RNF213: variants seen among roughly 807,000 people sequenced by gnomAD.
RNF213 encodes the protein E3 ubiquitin-protein ligase RNF213.
In RNF213, 341 loss-of-function variants were observed where a neutral mutation model predicts 514.4. That is an observed-to-expected ratio of 0.66 (90% CI 0.61 to 0.73). The LOEUF (loss-of-function observed/expected upper bound fraction) is 0.73, where lower values mean the gene tolerates loss of function less well. Among genes scored for constraint, RNF213 ranks in the 30% least tolerant of loss-of-function variants. The pLI is 0.00. For synonymous variants in RNF213, 2,655 were observed against 2,658.2 expected (o/e 1.00, Z 0.04); for missense variants, 5,767 against 6,615.6 (o/e 0.87, Z 4.45).
intron 7 of RNF213, among the ~76,000 whole-genome samples, chr17:80,291,241 ATTCTTTCT>A (rs778704140): frequency 2.0e-5 from 3 of 149,576 alleles, no homozygotes; most frequent in African/African-American, 4.9e-5. Flanking sequence ...TTTTAAAAGT[ATTCTTTCT>A]TTCTTTCTTA....
intron 20 of RNF213, among the ~76,000 whole-genome samples, chr17:80,330,499 C>T (rs1027849764): frequency 4.6e-5 from 7 of 152,112 alleles, no homozygotes; most frequent in African/African-American, 9.7e-5. Context: ...AGCGGGCTGG[C>T]GGGCCTTGGC....
At position 80,343,725 on chromosome 17, in the gene RNF213, G is replaced by A. The variant is rs1410520365; in HGVS notation, c.6184-132G>A. 42 of 944,600 alleles carry A rather than the reference G, an allele frequency of 4.4e-5. 1 individual carries two copies. Among genetic ancestry groups the A allele is most frequent in the Admixed American group, 1.6e-4 (9 of 57,946 alleles). The allele number at this position is 944,600 out of a possible 1,614,324, so 58.5% of individuals were successfully genotyped here. On this transcript the variant is annotated intron_variant, in intron 27 of 67. Transcript: ENST00000582970. The surrounding 1 kb of genome is among the most constrained non-coding windows in gnomAD (Gnocchi z 4.3). ...GGGGCTGCCCTTGGAGACATGGGCC[G>A]TTGTTGGCTGAAATGTTGATGTTGA...
rs372119242 is a variant in RNF213 at position 80,295,610 on chromosome 17, C to T, written c.1809C>T (p.Asp603=). The T allele has an allele frequency of 3.6e-5, 58 of 1,613,996 alleles. No individual in the cohort carries two copies. The highest frequency in any genetic ancestry group is 1.6e-4 in the Middle Eastern group (1 of 6,084). ...AAAAACACGTGGTACCATTGCCGGA[C>T]GGAAAAAGCACGGACTTTTTGCCTG... ...HLKKHVVPLP[D]GKSTDFLPVD... Residue 603 remains aspartate (D), a synonymous_variant, in exon 10 of 68, where the codon GAC becomes GAT. Transcript: ENST00000582970.
At position 80,363,153 on chromosome 17, in the gene RNF213, G is replaced by A; in HGVS notation, c.11407G>A (p.Glu3803Lys). The A allele has an allele frequency of 6.2e-7, 1 of 1,614,248 alleles. No individual in the cohort carries two copies. The highest frequency in any genetic ancestry group is 8.5e-7 in the Non-Finnish European group (1 of 1,180,040). ...CACTAGGAAACTGAAAGCGGCGTCA[G>A]AAGCGCCCGAGGAAGAGGTTTCCTT... Reference protein sequence around the residue: ...SCTRKLKAASEAPEEEVSLPW... With the variant: ...SCTRKLKAASKAPEEEVSLPW... Residue 3803 changes from glutamate (E) to lysine (K), a missense_variant, in exon 40 of 68, where the codon GAA (glutamate) becomes AAA (lysine). Around this residue, in one of 13 missense-constraint regions of RNF213, gnomAD observed 355 missense variants for 358.0 expected, o/e 0.99. Coordinates refer to ENST00000582970, the MANE Select transcript of RNF213 (RefSeq NM_001256071.3).
chr17:80,288,059 T>C lies in RNF213; in HGVS notation c.506T>C (p.Val169Ala). The C allele has an allele frequency of 6.2e-7, 1 of 1,607,490 alleles. No individual in the cohort carries two copies. The highest frequency in any genetic ancestry group is 8.5e-7 in the Non-Finnish European group (1 of 1,176,640). Reference protein sequence around the residue: ...EGDGLSAPTEVGDSPLQAQAL... With the variant: ...EGDGLSAPTEAGDSPLQAQAL... ...GACGGCCTCTCCGCGCCCACCGAGG[T>C]TGGCGACAGCCCCCTGCAGGCCCAG... Residue 169 changes from valine (V) to alanine (A), a missense_variant, in exon 4 of 68, where the codon GTT becomes GCT. Around this residue, in one of 13 missense-constraint regions of RNF213, gnomAD observed 509 missense variants for 496.7 expected, o/e 1.02. Transcript: ENST00000582970. This position sits in a 1 kb window ranked among gnomAD's most constrained non-coding sequence, Gnocchi z 4.9.
At position 80,369,826 on chromosome 17, in the gene RNF213, T is replaced by C. The variant is rs538365713; in HGVS notation, c.12384T>C (p.Pro4128=). The stretch of plus-strand genomic sequence containing the variant: ...TCAATGATGTTGTGGATAAGACTCC[T>C]GTCATCCGCTCAGTGATACTGAAAC... ...SPFNDVVDKT[P]VIRSVILKLL... Residue 4128 remains proline (P), a synonymous_variant, in exon 46 of 68, where the codon CCT becomes CCC. Coordinates refer to ENST00000582970, the MANE Select transcript of RNF213 (RefSeq NM_001256071.3). The C allele has an allele frequency of 6.2e-7, 1 of 1,613,806 alleles. No individual in the cohort carries two copies. Among genetic ancestry groups the C allele is most frequent in the Admixed American group, 1.7e-5 (1 of 60,034 alleles).
rs61747138 is a variant in RNF213 at position 80,380,956 on chromosome 17, C to T, written c.13766C>T (p.Ala4589Val). 5,653 of 1,614,180 alleles carry T rather than the reference C, an allele frequency of 3.5e-3. 183 individuals are homozygous for T. In the African/African-American group the frequency reaches 0.066, roughly 19 times the overall value. The change falls in exon 56 of 68, where the codon GCT (alanine) becomes GTT (valine). Residue 4589 changes from alanine to valine, a missense_variant. By Grantham distance (64) the Ala-to-Val change is moderately conservative. This residue lies in a region of RNF213 where 1,245 missense variants were observed against 1,339.0 expected (regional missense o/e 0.93). Coordinates refer to ENST00000582970, the MANE Select transcript of RNF213 (RefSeq NM_001256071.3). Reference protein sequence around the residue: ...FLLIRLLTHLALLLGASQSSQ... With the variant: ...FLLIRLLTHLVLLLGASQSSQ... ...CTTATCCGGCTACTCACTCACTTGGCTCTGCTTCTGGGAGCGTCCCAGAGT... is the reference window on the plus strand; with the variant it reads ...CTTATCCGGCTACTCACTCACTTGGTTCTGCTTCTGGGAGCGTCCCAGAGT...
intron 3 of RNF213, among the ~76,000 whole-genome samples, chr17:80,275,735 C>A (rs1033693198): frequency 7.2e-5 from 11 of 152,146 alleles, no homozygotes; most frequent in African/African-American, 2.7e-4. Context: ...CATCTCAGCT[C>A]AACTGCAACC....
intron 29 of RNF213, 106 bp from the exon 30 acceptor site, chr17:80,349,664 C>T: frequency 8.0e-7 from 1 of 1,245,564 alleles, no homozygotes; most frequent in South Asian, 1.2e-5. Flanking sequence ...GTGGCAACTG[C>T]ACCGCGCTGA....
chr17:80,383,043 C>T lies in RNF213; in HGVS notation c.14043C>T (p.Ile4681=). 3.1e-6 allele frequency: 5 copies of T among 1,613,706 alleles called. No individual in the cohort carries two copies. Among genetic ancestry groups the T allele is most frequent in the Non-Finnish European group, 4.2e-6 (5 of 1,179,640 alleles). The change falls in exon 58 of 68, where the codon ATC becomes ATT. Residue 4681 remains isoleucine, a synonymous_variant. Coordinates refer to ENST00000582970, the MANE Select transcript of RNF213 (RefSeq NM_001256071.3). ...KEMRNNWEKE[I]AAVISPELEH... is the part of the protein sequence containing the mutation. ...TGAGGAACAACTGGGAAAAGGAAAT[C>T]GCAGCTGTGATTTCTCCTGAACTGG... is the stretch of plus-strand genomic sequence containing the variant.
At chr17:80,365,026 A>C (rs1702413781) in intron 42 of RNF213, 1 of 230,038 alleles carries the variant, frequency 4.3e-6, no homozygotes, top group African/African-American at 2.3e-5. Flanking sequence ...CCTGTCACTC[A>C]ACACCCTTCA....
In RNF213 at chr17:80,361,415, T is replaced by C. The variant is rs562090413; in HGVS notation, c.11201-319T>C. Among the ~76,000 whole-genome samples, 750 of 152,080 alleles carry C rather than the reference T, an allele frequency of 4.9e-3. 3 individuals carry two copies. Among genetic ancestry groups the C allele is most frequent in the African/African-American group, 0.017 (705 of 41,498 alleles). ...CATGCCTGTAGTCCCAGCTACTTGG[T>C]AGGCTGAGGCAGGAGAATCACTTGA... On this transcript the variant is annotated intron_variant, in intron 38 of 67. Coordinates refer to ENST00000582970, the MANE Select transcript of RNF213 (RefSeq NM_001256071.3).
Position 80,393,854 on chromosome 17 carries a change from G to A in RNF213, c.*356G>A. The A allele has an allele frequency of 3.9e-6, 1 of 258,456 alleles. No individual in the cohort carries two copies. The allele number at this position is 258,456 out of a possible 1,614,324, so 16.0% of individuals were successfully genotyped here. Reference sequence around the variant, plus strand: ...AATGACCTGTGCCCGTTCGCCTCTGGCACTGCCCACCCCTCTTTTTTTTTT... The same window carrying A: ...AATGACCTGTGCCCGTTCGCCTCTGACACTGCCCACCCCTCTTTTTTTTTT... On this transcript the variant is annotated 3_prime_UTR_variant, in exon 68 of 68. Coordinates refer to ENST00000582970, the MANE Select transcript of RNF213 (RefSeq NM_001256071.3).
rs376291993 is a variant in RNF213, at chr17:80,369,638, G to A, written c.12292G>A (p.Val4098Ile). 24 of 1,614,086 alleles carry A rather than the reference G, an allele frequency of 1.5e-5. No individual in the cohort carries two copies. The highest frequency in any genetic ancestry group is 1.3e-4 in the African/African-American group (10 of 74,936). The change falls in exon 45 of 68, where the codon GTC becomes ATC. Residue 4098 changes from valine (V) to isoleucine (I), a missense_variant. Val to Ile is a conservative substitution (Grantham distance 29, BLOSUM62 3). Coordinates refer to ENST00000582970, the MANE Select transcript of RNF213 (RefSeq NM_001256071.3). Reference protein sequence around the residue: ...VIESLLSLLFVQKGRLRDAAQ... With the variant: ...VIESLLSLLFIQKGRLRDAAQ... The stretch of plus-strand genomic sequence containing the variant: ...TGAGAGCCTGCTCTCTCTCCTCTTC[G>A]TCCAAAAGGGGCGCTTAAGAGATGC...
Position 80,377,074 on chromosome 17 carries a change from C to A in RNF213, c.13510+111C>A. 1 of 787,288 alleles carries A rather than the reference C, an allele frequency of 1.3e-6. No homozygotes were observed. The highest frequency in any genetic ancestry group is 2.2e-6 in the Non-Finnish European group (1 of 457,784). The allele number at this position is 787,288 out of a possible 1,614,324, so 48.8% of individuals were successfully genotyped here. ...GTCCACGTGGTTTGTGCCTCAGGGT[C>A]CAAAACCACCTGCATTCTACCGGTG... On this transcript the variant is annotated intron_variant, in intron 53 of 67. Transcript: ENST00000582970. The surrounding 1 kb of genome is among the most constrained non-coding windows in gnomAD (Gnocchi z 4.1).
At chr17:80,276,954 G>A (rs1369173355) in intron 3 of RNF213, among the ~76,000 whole-genome samples, 1 of 151,994 alleles carries the variant, frequency 6.6e-6, no homozygotes, top group Non-Finnish European at 1.5e-5. Flanking sequence ...CTACTTGGGC[G>A]GCTGAGGCAG....
At position 80,288,079 on chromosome 17, in the gene RNF213, GC is replaced by G. The variant is rs1440822384; in HGVS notation, c.529del (p.Gln177ArgfsTer99). On this transcript the variant is annotated frameshift_variant, in exon 4 of 68. Coordinates refer to ENST00000582970, the MANE Select transcript of RNF213 (RefSeq NM_001256071.3). LOFTEE classifies it high-confidence loss of function. This position sits in a 1 kb window ranked among gnomAD's most constrained non-coding sequence, Gnocchi z 4.9. The part of the protein sequence containing the change: ...PTEVGDSPLQ[A>X]QALGEAGVAT... ...CGAGGTTGGCGACAGCCCCCTGCAG[GC>G]CCAGGCTTTGGGAGAGGCAGGAGTG... 1.2e-6 allele frequency: 2 copies of G among 1,609,098 alleles called. No individual in the cohort carries two copies.
At position 80,288,811 on chromosome 17, in the gene RNF213, G is replaced by A. The variant is rs1232320521; in HGVS notation, c.933+56G>A. 35 of 1,612,618 alleles carry A rather than the reference G, an allele frequency of 2.2e-5. No homozygotes were observed. Among genetic ancestry groups the A allele is most frequent in the East Asian group, 8.9e-5 (4 of 44,898 alleles). ...GAGGCCCTCTCCTGCCCACGGCTGC[G>A]CCTCTTTCATTTAATTATTCAGCAA... On this transcript the variant is annotated intron_variant, in intron 5 of 67. Coordinates refer to ENST00000582970, the MANE Select transcript of RNF213 (RefSeq NM_001256071.3). This position sits in a 1 kb window ranked among gnomAD's most constrained non-coding sequence, Gnocchi z 4.9.
At chr17:80,313,593 ATGGTGG>A (rs761852768) in intron 15 of RNF213, among the ~76,000 whole-genome samples, 1 of 127,364 alleles carries the variant, frequency 7.9e-6, no homozygotes, top group African/African-American at 3.0e-5. Context: ...GGTGGAGGTG[ATGGTGG>A]TGGTGGAGGT....
Sources: gnomAD v4.1 joint callset for allele counts (sites outside exome capture counted in the v4.1 genomes callset) on GRCh38, gnomAD v4.1.1 for gene constraint, gnomAD v4.1.1 regional missense constraint, Gnocchi (gnomAD v3.1) non-coding constraint, MANE v1.5 for transcripts, NCBI Gene and HGNC (gene_info 2026-07-23, HGNC 2026-07-21) for gene names.